The following RGS17 variants were observed in gnomAD, a reference collection of about 807,000 sequenced individuals.
RGS17 encodes regulator of G protein signaling 17.
RGS17 carries 12 observed loss-of-function variants against 25.5 expected under a neutral mutation model. That is an observed-to-expected ratio of 0.47 (90% CI 0.30 to 0.76). RGS17 has a LOEUF of 0.76. Ranked by LOEUF, RGS17 falls within the 30% of genes least tolerant of loss-of-function variation. The pLI is 0.07. For synonymous variants in RGS17, 71 were observed against 76.9 expected (o/e 0.92, Z 0.40); for missense variants, 196 against 242.2 (o/e 0.81, Z 1.27).
At chr6:153,050,794 G>A (rs1684083165) in intron 1 of RGS17, among the ~76,000 whole-genome samples, 1 of 152,136 alleles carries the variant, frequency 6.6e-6, no homozygotes. Context: ...GAAACAACCT[G>A]TTATGGACTG....
At chr6:153,131,053 A>C (rs1777785833) in intron 1 of RGS17, 71 bp downstream of exon 1, 2 of 151,842 alleles carry the variant, frequency 1.3e-5, no homozygotes, top group South Asian at 4.1e-4. Flanking sequence ...AAAAAAATCC[A>C]TCCATTGGTG....
chr6:153,054,823 A>G (rs1776532189), intron 1 of RGS17, among the ~76,000 whole-genome samples: 1 of 152,004 alleles, frequency 6.6e-6, no homozygotes, highest in Non-Finnish European at 1.5e-5. Flanking sequence ...TTCCTTCTGG[A>G]AAGAAATTCC....
At chr6:153,087,378 C>T (rs560676966) in intron 1 of RGS17, among the ~76,000 whole-genome samples, 1 of 152,304 alleles carries the variant, frequency 6.6e-6, no homozygotes, top group South Asian at 2.1e-4. Flanking sequence ...AGGAATAATG[C>T]TTAATGTTTG....
At chr6:153,112,414 T>C (rs1467355275) in intron 1 of RGS17, among the ~76,000 whole-genome samples, 1 of 152,114 alleles carries the variant, frequency 6.6e-6, no homozygotes, top group Non-Finnish European at 1.5e-5. Context: ...CCACGAAATA[T>C]GGGACTATGG....
intron 1 of RGS17, among the ~76,000 whole-genome samples, chr6:153,074,057 T>C (rs1776843781): frequency 1.3e-5 from 2 of 152,196 alleles, no homozygotes; most frequent in South Asian, 4.1e-4. Context: ...AACAATTCCG[T>C]TGCATTTTAG....
At chr6:153,073,904 C>T (rs138438594) in intron 1 of RGS17, among the ~76,000 whole-genome samples, 22 of 152,208 alleles carry the variant, frequency 1.4e-4, no homozygotes, top group Non-Finnish European at 2.9e-4. Flanking sequence ...TCCTGTTGGA[C>T]CATTTTCCCT....
chr6:153,124,772 A>G (rs1212924576), intron 1 of RGS17, among the ~76,000 whole-genome samples: 1 of 152,230 alleles, frequency 6.6e-6, no homozygotes, highest in Non-Finnish European at 1.5e-5. Flanking sequence ...GAATTAAATA[A>G]TATGGATTGC....
At position 153,011,597 on chromosome 6, in the gene RGS17, C is replaced by G; in HGVS notation, c.610G>C (p.Ala204Pro). The G allele has an allele frequency of 6.2e-7, 1 of 1,608,684 alleles. No individual in the cohort carries two copies. Among genetic ancestry groups the G allele is most frequent in the Non-Finnish European group, 8.5e-7 (1 of 1,176,736 alleles). Residue 204 changes from alanine to proline, a missense_variant, in exon 5 of 5, where the codon GCT becomes CCT. Ala to Pro is a conservative substitution (Grantham distance 27). Transcript: ENST00000206262. ...CATTAAGATTCAGAAGAAGAGCCAG[C>G]AGTACTTTCAACAAATGACTTATAA... Reference protein sequence around the residue: ...QIYKSFVESTAGSSSES With the variant: ...QIYKSFVESTPGSSSES
chr6:153,010,267 G>A lies in RGS17; in HGVS notation c.*1307C>T, dbSNP rs1407697362. 6.6e-6 allele frequency: 1 copy of A among 151,898 alleles called. No individual in the cohort carries two copies. Among genetic ancestry groups the A allele is most frequent in the Non-Finnish European group, 1.5e-5 (1 of 67,842 alleles). The allele number at this position is 151,898 out of a possible 1,614,324, so 9.4% of individuals were successfully genotyped here. A position where few individuals can be genotyped will look rare whatever the true frequency, so the allele number is the denominator to read the frequency against. On this transcript the variant is annotated 3_prime_UTR_variant, in exon 5 of 5. Coordinates refer to ENST00000206262, the MANE Select transcript of RGS17 (RefSeq NM_012419.5). ...TATTTTAATTATCACTTTTATGCAT[G>A]ACAGAATATTGTTTCCTTGAAGGTC...
chr6:153,124,533 C>G (rs1465372344), intron 1 of RGS17, among the ~76,000 whole-genome samples: 1 of 152,206 alleles, frequency 6.6e-6, no homozygotes, highest in Non-Finnish European at 1.5e-5. Context: ...CACTTCCATA[C>G]TGAGTACCAA....
intron 1 of RGS17, among the ~76,000 whole-genome samples, chr6:153,060,130 C>CT (rs11384172): frequency 0.37 from 56,955 of 151,974 alleles, 11,203 homozygotes; most frequent in East Asian, 0.62. Flanking sequence ...CAGGGGAAGT[C>CT]TGTTTCCCAG....
intron 4 of RGS17, among the ~76,000 whole-genome samples, chr6:153,018,955 G>C (rs1159401538): frequency 1.3e-5 from 2 of 152,220 alleles, no homozygotes; most frequent in Non-Finnish European, 2.9e-5. Flanking sequence ...CACAGAATCT[G>C]CATGTCTATC....
intron 1 of RGS17, among the ~76,000 whole-genome samples, chr6:153,106,416 T>C (rs1282375237): frequency 6.6e-6 from 1 of 151,212 alleles, no homozygotes; most frequent in Non-Finnish European, 1.5e-5. Flanking sequence ...GAGAAACAAT[T>C]TTCTGGGGTA....
intron 1 of RGS17, among the ~76,000 whole-genome samples, chr6:153,067,307 A>C (rs1009861950): frequency 2.0e-5 from 3 of 152,154 alleles, no homozygotes; most frequent in African/African-American, 2.4e-5. Flanking sequence ...GGAAGTCCTG[A>C]GTAGAGCAAT....
intron 1 of RGS17, among the ~76,000 whole-genome samples, chr6:153,050,963 T>C (rs1016043294): frequency 7.2e-5 from 11 of 152,182 alleles, no homozygotes; most frequent in Non-Finnish European, 1.6e-4. Flanking sequence ...AGTGCTCTTA[T>C]AGGAAGAGGA....
intron 1 of RGS17, among the ~76,000 whole-genome samples, chr6:153,086,486 C>T (rs563294819): frequency 2.0e-5 from 3 of 152,198 alleles, no homozygotes; most frequent in Middle Eastern, 3.2e-3. Flanking sequence ...ATAGATAATA[C>T]ATTTATAACC....
At chr6:153,075,855 T>C (rs1401307745) in intron 1 of RGS17, among the ~76,000 whole-genome samples, 1 of 152,212 alleles carries the variant, frequency 6.6e-6, no homozygotes, top group Non-Finnish European at 1.5e-5. Flanking sequence ...TACATACACA[T>C]TCATACATAC....
At position 153,011,537 on chromosome 6, in the gene RGS17, A is replaced by G; in HGVS notation, c.*37T>C. ...TGTTATTTAACTACTTTTATTTCCC[A>G]TCTCAGCCCTCCAAAATGATTGTTT... On this transcript the variant is annotated 3_prime_UTR_variant, in exon 5 of 5. Coordinates refer to ENST00000206262, the MANE Select transcript of RGS17 (RefSeq NM_012419.5). 8.5e-6 allele frequency: 12 copies of G among 1,414,712 alleles called. No individual in the cohort carries two copies. The highest frequency in any genetic ancestry group is 1.2e-5 in the Non-Finnish European group (12 of 1,014,680). The allele number at this position is 1,414,712 out of a possible 1,614,324, so 87.6% of individuals were successfully genotyped here. A position where few individuals can be genotyped will look rare whatever the true frequency, so the allele number is the denominator to read the frequency against.
intron 2 of RGS17, among the ~76,000 whole-genome samples, chr6:153,035,878 T>C (rs1404726969): frequency 6.6e-6 from 1 of 152,194 alleles, no homozygotes; most frequent in African/African-American, 2.4e-5. Flanking sequence ...AAGTTCTTCC[T>C]CGTTGTACAT....
Sources: allele counts gnomAD v4.1 joint callset (sites outside exome capture counted in the v4.1 genomes callset), GRCh38; gene constraint gnomAD v4.1.1; transcripts MANE v1.5; gene names NCBI Gene and HGNC (gene_info 2026-07-23, HGNC 2026-07-21).